SGCZ: variants seen among roughly 807,000 people sequenced by gnomAD.
SGCZ encodes the protein sarcoglycan zeta.
SGCZ carries 40 observed loss-of-function variants against 41.3 expected under a neutral mutation model. The ratio of observed to expected loss-of-function variants is 0.97; its 90% CI spans 0.75 to 1.26. The LOEUF (loss-of-function observed/expected upper bound fraction) is 1.26, where lower values mean the gene tolerates loss of function less well. Among genes scored for constraint, SGCZ ranks in the 50% most tolerant of loss-of-function variants. The probability of loss-of-function intolerance (pLI) is 0.00; values close to 1 mark genes in which losing one functional copy is unlikely to be tolerated. For missense variants in SGCZ, 552 were observed against 369.8 expected, an observed-to-expected ratio of 1.49 and a Z score of -4.04; for synonymous variants, 206 against 137.5, an observed-to-expected ratio of 1.50 and a Z score of -3.49.
chr8:14,776,620 A>G (rs1800410517), intron 1 of SGCZ, among the ~76,000 whole-genome samples: 1 of 145,674 alleles, frequency 6.9e-6, no homozygotes, highest in Admixed American at 7.1e-5. Context: ...CAGCCTCCCG[A>G]GTAGCTGGGA....
chr8:14,504,331 C>T (rs1585604603), intron 2 of SGCZ, among the ~76,000 whole-genome samples: 1 of 152,018 alleles, frequency 6.6e-6, no homozygotes, highest in Non-Finnish European at 1.5e-5. Context: ...TAATCAGGGC[C>T]CATGGGGGCT....
intron 2 of SGCZ, among the ~76,000 whole-genome samples, chr8:14,530,191 C>T (rs1007562252): frequency 8.6e-5 from 13 of 151,618 alleles, no homozygotes; most frequent in African/African-American, 2.2e-4. Flanking sequence ...TCTTAAGAGG[C>T]CTAAGCTAAA....
At chr8:14,624,524 A>T (rs1231421218) in intron 1 of SGCZ, among the ~76,000 whole-genome samples, 1 of 149,056 alleles carries the variant, frequency 6.7e-6, no homozygotes, top group Non-Finnish European at 1.5e-5. Flanking sequence ...GTAAAGAAAC[A>T]TAAATATCAC....
chr8:14,099,719 C>G (rs75607282), intron 7 of SGCZ, among the ~76,000 whole-genome samples: 3,972 of 151,520 alleles, frequency 0.026, 147 homozygotes, highest in East Asian at 0.1. Context: ...GAGCGAGACT[C>G]TGTCTCAAAA....
At position 14,988,270 on chromosome 8, in the gene SGCZ, A is replaced by T. The variant is rs184992152; in HGVS notation, c.39+249315T>A. Among the ~76,000 whole-genome samples the T allele has an allele frequency of 4.8e-4, 73 of 151,652 alleles. No homozygotes were observed. In the Middle Eastern group the frequency reaches 0.01, roughly 21 times the overall value. ...TACAAATACTCCATCTTCTAAAAAA[A>T]CTCTGAAAACAAAGGACAAACATGC... On this transcript the variant is annotated intron_variant, in intron 1 of 7. Coordinates refer to ENST00000382080, the MANE Select transcript of SGCZ (RefSeq NM_139167.4).
intron 2 of SGCZ, among the ~76,000 whole-genome samples, chr8:14,473,491 A>C (rs902900155): frequency 6.6e-6 from 1 of 152,192 alleles, no homozygotes; most frequent in Non-Finnish European, 1.5e-5. Context: ...AATGAATTCA[A>C]TACATCAACA....
intron 2 of SGCZ, among the ~76,000 whole-genome samples, chr8:14,511,566 T>C (rs1486560933): frequency 6.6e-6 from 1 of 152,034 alleles, no homozygotes; most frequent in Non-Finnish European, 1.5e-5. Context: ...AAAATAGAGA[T>C]CTTATAATTA....
chr8:14,300,587 T>C (rs951138128), intron 3 of SGCZ, among the ~76,000 whole-genome samples: 5 of 151,988 alleles, frequency 3.3e-5, no homozygotes, highest in African/African-American at 1.2e-4. Flanking sequence ...TTAAATAGCA[T>C]GACATAGGTA....
intron 7 of SGCZ, among the ~76,000 whole-genome samples, chr8:14,090,879 A>T (rs552125040): frequency 3.4e-4 from 51 of 152,144 alleles, no homozygotes; most frequent in Admixed American, 1.8e-3. Context: ...GAAAAGCAAC[A>T]TCATACAATA....
At chr8:14,279,131 G>C (rs1185614196) in intron 3 of SGCZ, among the ~76,000 whole-genome samples, 2 of 151,992 alleles carry the variant, frequency 1.3e-5, no homozygotes, top group African/African-American at 4.8e-5. Context: ...ATCAGAGCCG[G>C]AGATAAAAGC....
chr8:14,516,131 G>A (rs868560628), intron 2 of SGCZ, among the ~76,000 whole-genome samples: 1 of 150,918 alleles, frequency 6.6e-6, no homozygotes, highest in South Asian at 2.1e-4. Flanking sequence ...CTATGTCTGT[G>A]GTTTTTTTCT....
At chr8:14,738,993 G>C (rs566234966) in intron 1 of SGCZ, among the ~76,000 whole-genome samples, 1 of 152,050 alleles carries the variant, frequency 6.6e-6, no homozygotes, top group Admixed American at 6.6e-5. Context: ...GGACCTGAAA[G>C]AATATACATG....
At position 14,594,033 on chromosome 8, in the gene SGCZ, G is replaced by T. The variant is rs557338749; in HGVS notation, c.40-39107C>A. On this transcript the variant is annotated intron_variant, in intron 1 of 7. Coordinates refer to ENST00000382080, the MANE Select transcript of SGCZ (RefSeq NM_139167.4). ...CTTCTAAAAATACAAAAATTAGCCAGGCGTGGTGGCACACGCCTGTGGACC... is the reference window on the plus strand; with the variant it reads ...CTTCTAAAAATACAAAAATTAGCCATGCGTGGTGGCACACGCCTGTGGACC... Among the ~76,000 whole-genome samples the T allele has an allele frequency of 4.3e-3, 653 of 151,938 alleles. 8 individuals are homozygous for T. The highest frequency in any genetic ancestry group is 0.015 in the African/African-American group (609 of 41,422).
At chr8:14,580,451 T>C (rs10102862) in intron 1 of SGCZ, among the ~76,000 whole-genome samples, 5,819 of 152,250 alleles carry the variant, frequency 0.038, 262 homozygotes, top group African/African-American at 0.11. Context: ...CTTGTAAGTA[T>C]ATTAAAATTA....
At position 15,191,866 on chromosome 8, in the gene SGCZ, G is replaced by A. The variant is rs188403734; in HGVS notation, c.39+45719C>T. On this transcript the variant is annotated intron_variant, in intron 1 of 7. Transcript: ENST00000382080. ...ATATTAAAGGTAAAACAACCCAGAA[G>A]AAAAATATTAAACTTTTATCTACCC... 8.8e-4 allele frequency among the ~76,000 whole-genome samples: 134 copies of A among 152,048 alleles called. 1 individual carries two copies. The highest frequency in any genetic ancestry group is 3.3e-3 in the Admixed American group (50 of 15,284).
intron 4 of SGCZ, among the ~76,000 whole-genome samples, chr8:14,204,073 T>A (rs913898018): frequency 1.3e-5 from 2 of 152,090 alleles, no homozygotes; most frequent in African/African-American, 2.4e-5. Flanking sequence ...ATTTCCATAC[T>A]GATGGAGGAT....
At chr8:15,229,129 T>C (rs888133777) in intron 1 of SGCZ, among the ~76,000 whole-genome samples, 2 of 151,638 alleles carry the variant, frequency 1.3e-5, no homozygotes, top group African/African-American at 2.4e-5. Flanking sequence ...GAGGCAGAGG[T>C]TGTAGTGAAC....
At chr8:14,555,164 C>T (rs1803996468) in intron 1 of SGCZ, among the ~76,000 whole-genome samples, 1 of 151,878 alleles carries the variant, frequency 6.6e-6, no homozygotes, top group South Asian at 2.1e-4. Context: ...TATATTATTT[C>T]CAGTCAGATT....
intron 2 of SGCZ, among the ~76,000 whole-genome samples, chr8:14,496,199 G>T (rs146937414): frequency 1.3e-5 from 2 of 151,920 alleles, no homozygotes; most frequent in Non-Finnish European, 2.9e-5. Context: ...CTGAGTAGAT[G>T]GGACTTCAGG....
Sources: allele counts gnomAD v4.1 joint callset (sites outside exome capture counted in the v4.1 genomes callset), GRCh38; gene constraint gnomAD v4.1.1; transcripts MANE v1.5; gene names NCBI Gene and HGNC (gene_info 2026-07-23, HGNC 2026-07-21).